Variants in GBE1 observed in about 807,000 individuals in gnomAD.
The protein encoded by GBE1 is 1,4-alpha-glucan branching enzyme 1, also known as 1,4-alpha-glucan-branching enzyme.
Under a neutral mutation model 88.8 loss-of-function variants are expected in GBE1, and 70 were observed. The observed-to-expected ratio is 0.79, with a 90% CI of 0.65 to 0.96. The LOEUF is 0.96. Among genes scored for constraint, GBE1 ranks in the 40% least tolerant of loss-of-function variants. GBE1 has a pLI of 0.00. For synonymous variants in GBE1, 284 were observed against 300.1 expected (o/e 0.95, Z 0.56); for missense variants, 872 against 871.0 (o/e 1.00, Z -0.01).
chr3:81,557,809 A>G (rs1197382857), intron 12 of GBE1, among the ~76,000 whole-genome samples: 2 of 152,088 alleles, frequency 1.3e-5, no homozygotes, highest in Non-Finnish European at 2.9e-5. Flanking sequence ...GTATTAATAC[A>G]TTATAGAAGA....
chr3:81,719,808 A>G, intron 1 of GBE1, among the ~76,000 whole-genome samples: 1 of 152,208 alleles, frequency 6.6e-6, no homozygotes, highest in Non-Finnish European at 1.5e-5. Context: ...ACAAACACTA[A>G]TTTTTTTACC....
intron 12 of GBE1, among the ~76,000 whole-genome samples, chr3:81,566,454 G>A (rs1006058387): frequency 2.0e-5 from 3 of 151,828 alleles, no homozygotes; most frequent in Non-Finnish European, 2.9e-5. Flanking sequence ...TTTTTTGACA[G>A]GTGCCTGACA....
At chr3:81,738,733 C>G (rs1366831338) in intron 1 of GBE1, among the ~76,000 whole-genome samples, 1 of 152,058 alleles carries the variant, frequency 6.6e-6, no homozygotes, top group Non-Finnish European at 1.5e-5. Context: ...TTCTTGCCAG[C>G]CAGTCTTTAC....
intron 12 of GBE1, among the ~76,000 whole-genome samples, chr3:81,562,286 G>T (rs1703430589): frequency 6.6e-6 from 1 of 152,090 alleles, no homozygotes; most frequent in Non-Finnish European, 1.5e-5. Flanking sequence ...TTGTTTGATA[G>T]ACCACAGTAC....
Position 81,750,551 on chromosome 3 carries a change from GTATA to G in GBE1, c.143+10820_143+10823del, listed in dbSNP as rs770974468. 9.6e-5 allele frequency among the ~76,000 whole-genome samples: 5 copies of G among 52,348 alleles called. 1 individual carries two copies. Among genetic ancestry groups the G allele is most frequent in the Non-Finnish European group, 1.6e-4 (5 of 31,682 alleles). The allele number at this position is 52,348 out of a possible 152,430, so 34.3% of individuals were successfully genotyped here. On this transcript the variant is annotated intron_variant, in intron 1 of 15. Transcript: ENST00000429644. Reference sequence around the variant, plus strand: ...TATATATATATACGTATATATATATGTATATATATATGTATATATATATACGTAT... The same window carrying G: ...TATATATATATACGTATATATATATGTATATATGTATATATATATACGTAT...
intron 12 of GBE1, among the ~76,000 whole-genome samples, chr3:81,573,493 C>A (rs1344106062): frequency 1.3e-5 from 2 of 152,156 alleles, no homozygotes; most frequent in Admixed American, 1.3e-4. Flanking sequence ...GCATGCATTA[C>A]TATAAAGGTA....
chr3:81,613,993 G>C (rs1056300239), intron 7 of GBE1, among the ~76,000 whole-genome samples: 1 of 150,462 alleles, frequency 6.6e-6, no homozygotes, highest in African/African-American at 2.4e-5. Flanking sequence ...CTGAAACAAA[G>C]GTAAGTTGCT....
chr3:81,511,181 AT>A (rs1309979275), intron 14 of GBE1, among the ~76,000 whole-genome samples: 1 of 152,064 alleles, frequency 6.6e-6, no homozygotes, highest in Admixed American at 6.6e-5. Context: ...TTAACTCAAG[AT>A]GGACAAAAGA....
chr3:81,711,151 A>G (rs1705859722), intron 1 of GBE1, among the ~76,000 whole-genome samples: 1 of 152,244 alleles, frequency 6.6e-6, no homozygotes. Flanking sequence ...GAGATGGATC[A>G]TCCCTTACCT....
At chr3:81,550,610 C>T (rs1404982373) in intron 12 of GBE1, among the ~76,000 whole-genome samples, 2 of 152,126 alleles carry the variant, frequency 1.3e-5, no homozygotes, top group Admixed American at 6.5e-5. Context: ...TGGCACAAGA[C>T]ACAGGTCATG....
intron 7 of GBE1, chr3:81,612,908 T>C (rs995685233): frequency 6.6e-5 from 26 of 391,208 alleles, no homozygotes; most frequent in Admixed American, 4.4e-4. Flanking sequence ...TGGTTCCTGA[T>C]ATGGATGATG....
rs1411088422 is a variant in GBE1, at chr3:81,578,043, A to G, written c.1500T>C (p.Tyr500=). The G allele has an allele frequency of 1.2e-6, 2 of 1,610,164 alleles. No individual in the cohort carries two copies. The highest frequency in any genetic ancestry group is 1.7e-6 in the Non-Finnish European group (2 of 1,178,182). Residue 500 remains tyrosine, a synonymous_variant, in exon 12 of 16, where the codon TAT becomes TAC. Transcript: ENST00000429644. ...AAGGAGTCAGGACACTCATGTTTGT[A>G]TACATTTCGGCATCCATCAACCAAA... The part of the protein sequence containing the change: ...LAFWLMDAEM[Y]TNMSVLTPFT...
intron 10 of GBE1, among the ~76,000 whole-genome samples, chr3:81,584,003 C>T (rs1703765296): frequency 6.6e-6 from 1 of 151,834 alleles, no homozygotes; most frequent in African/African-American, 2.4e-5. Flanking sequence ...ATTAGAAAAA[C>T]TATATTTATT....
At chr3:81,609,199 G>C (rs1704140390) in intron 7 of GBE1, among the ~76,000 whole-genome samples, 1 of 152,124 alleles carries the variant, frequency 6.6e-6, no homozygotes, top group Non-Finnish European at 1.5e-5. Context: ...TCCTTCTTGT[G>C]CCTGTTTTTC....
At chr3:81,591,830 T>C (rs1703882425) in intron 8 of GBE1, among the ~76,000 whole-genome samples, 1 of 152,054 alleles carries the variant, frequency 6.6e-6, no homozygotes. Context: ...TTACCATTTC[T>C]CTACATCTAA....
intron 1 of GBE1, among the ~76,000 whole-genome samples, chr3:81,737,719 C>T (rs115367792): frequency 0.03 from 4,340 of 143,184 alleles, 225 homozygotes; most frequent in African/African-American, 0.11. Flanking sequence ...ATCAGTCTCT[C>T]GTAGATTAAA....
rs1559708490 is a variant in GBE1, at chr3:81,750,575, ACGTATATATATACGTATATATATATG to A, written c.143+10774_143+10799del. On this transcript the variant is annotated intron_variant, in intron 1 of 15. Coordinates refer to ENST00000429644, the MANE Select transcript of GBE1 (RefSeq NM_000158.4). ...TGTATATATATATGTATATATATAT[ACGTATATATATACGTATATATATATG>A]TGTATATATATATATGTATATATAT... Among the ~76,000 whole-genome samples, 428 of 54,800 alleles carry A rather than the reference ACGTATATATATACGTATATATATATG, an allele frequency of 7.8e-3. 29 individuals are homozygous for A. In the East Asian group the frequency reaches 0.15, roughly 20 times the overall value. The allele number at this position is 54,800 out of a possible 152,430, so 36.0% of individuals were successfully genotyped here.
chr3:81,737,837 G>T (rs1706290571), intron 1 of GBE1, among the ~76,000 whole-genome samples: 2 of 151,920 alleles, frequency 1.3e-5, no homozygotes, highest in Non-Finnish European at 2.9e-5. Flanking sequence ...GTGACATGCT[G>T]GTGCGCTGCA....
chr3:81,642,511 A>G (rs190342381), intron 7 of GBE1: 42 of 279,964 alleles, frequency 1.5e-4, no homozygotes, highest in Admixed American at 8.8e-4. Context: ...AGATATTAAA[A>G]AAAAATGATT....
Sources: allele counts gnomAD v4.1 joint callset (sites outside exome capture counted in the v4.1 genomes callset), GRCh38; gene constraint gnomAD v4.1.1; transcripts MANE v1.5; gene names NCBI Gene and HGNC (gene_info 2026-07-23, HGNC 2026-07-21).